CHST8: variants seen among roughly 807,000 people sequenced by gnomAD.
CHST8 encodes the protein GALNAC-4-ST1.
In CHST8, 10 loss-of-function variants were observed where a neutral mutation model predicts 15.0. The ratio of observed to expected loss-of-function variants is 0.67; its 90% CI spans 0.41 to 1.13. The LOEUF is 1.13. Ranked by LOEUF, CHST8 falls within the 50% of genes most tolerant of loss-of-function variation. The pLI is 0.00. For missense variants in CHST8, 634 were observed against 608.2 expected (o/e 1.04, Z -0.45); for synonymous variants, 259 against 256.6 (o/e 1.01, Z -0.09).
intron 1 of CHST8, among the ~76,000 whole-genome samples, chr19:33,633,774 CGTGTGTGTGTGTGTGTGT>C (rs55655047): frequency 1.6e-4 from 23 of 141,080 alleles, no homozygotes; most frequent in Non-Finnish European, 7.7e-5. Context: ...TTTTCTTTTT[CGTGTGTGTGTGTGTGTGT>C]GTGTGTGTGT....
intron 1 of CHST8, among the ~76,000 whole-genome samples, chr19:33,666,700 T>G (rs1031926102): frequency 6.6e-6 from 1 of 152,134 alleles, no homozygotes; most frequent in African/African-American, 2.4e-5. Context: ...ATTTTTCTTT[T>G]TCTTTCTTTC....
intron 3 of CHST8, among the ~76,000 whole-genome samples, chr19:33,756,946 G>A (rs763393914): frequency 1.3e-5 from 2 of 152,204 alleles, no homozygotes; most frequent in Non-Finnish European, 2.9e-5. Context: ...GTATGGGGGT[G>A]TGGAGGCAGC....
At chr19:33,638,535 G>T (rs950605691) in intron 1 of CHST8, among the ~76,000 whole-genome samples, 7 of 152,268 alleles carry the variant, frequency 4.6e-5, no homozygotes, top group Admixed American at 4.6e-4. Flanking sequence ...CGGCCACAGT[G>T]CACAACAGCC....
intron 3 of CHST8, among the ~76,000 whole-genome samples, chr19:33,734,844 T>G (rs116026192): frequency 6.1e-4 from 93 of 152,106 alleles, no homozygotes; most frequent in African/African-American, 2.1e-3. Flanking sequence ...CAGGGTGAGG[T>G]GGGGGTGAGG....
chr19:33,709,181 G>A (rs368657947), intron 3 of CHST8, among the ~76,000 whole-genome samples: 11 of 152,152 alleles, frequency 7.2e-5, no homozygotes, highest in African/African-American at 1.9e-4. Flanking sequence ...TGTTTACATC[G>A]TCATTTCCAG....
intron 3 of CHST8, among the ~76,000 whole-genome samples, chr19:33,748,653 T>A (rs1974357333): frequency 6.6e-6 from 1 of 152,200 alleles, no homozygotes; most frequent in Admixed American, 6.5e-5. Flanking sequence ...GCCCGGCTGC[T>A]CACCTTGTCC....
Position 33,772,448 on chromosome 19 carries a change from C to T in CHST8, c.660C>T (p.Ala220=), listed in dbSNP as rs201678581. ...MVLAGLASST[A]DIQHNTVHYG... is the part of the protein sequence containing the mutation. ...TGGCCGGCCTGGCCTCGTCCACTGCCGACATCCAGCACAACACCGTCCACT... is the reference window on the plus strand; with the variant it reads ...TGGCCGGCCTGGCCTCGTCCACTGCTGACATCCAGCACAACACCGTCCACT... The change falls in exon 5 of 5, where the codon GCC becomes GCT. Residue 220 remains alanine, a synonymous_variant. Coordinates refer to ENST00000650847, the MANE Select transcript of CHST8 (RefSeq NM_001127895.2). 2.5e-6 allele frequency: 4 copies of T among 1,612,350 alleles called. No individual in the cohort carries two copies. In the African/African-American group the frequency reaches 4.0e-5, roughly 16 times the overall value.
chr19:33,771,508 G>A (rs905172824), intron 4 of CHST8, 58 bp downstream of exon 4: 6 of 1,552,650 alleles, frequency 3.9e-6, no homozygotes, highest in Non-Finnish European at 5.3e-6. Context: ...AACTGGGGAG[G>A]GCTGGGAAGA....
chr19:33,692,527 G>A (rs1973116160), intron 3 of CHST8, among the ~76,000 whole-genome samples: 1 of 152,060 alleles, frequency 6.6e-6, no homozygotes, highest in Non-Finnish European at 1.5e-5. Flanking sequence ...GCAAGACCCT[G>A]TCTCTACAAA....
rs189732353 is a variant in CHST8 at position 33,649,575 on chromosome 19, T to C, written c.-163-18192T>C. 1.6e-3 allele frequency among the ~76,000 whole-genome samples: 241 copies of C among 152,140 alleles called. 1 individual carries two copies. The highest frequency in any genetic ancestry group is 5.3e-3 in the African/African-American group (218 of 41,518). ...GAACTATGAACATTCATGAGGGGGG[T>C]CTGGACGCATACATACTGAACAAAC... On this transcript the variant is annotated intron_variant, in intron 1 of 4. Transcript: ENST00000650847.
chr19:33,656,158 T>C (rs1448574811), intron 1 of CHST8, among the ~76,000 whole-genome samples: 1 of 152,176 alleles, frequency 6.6e-6, no homozygotes, highest in Non-Finnish European at 1.5e-5. Flanking sequence ...ACTTTAAAGC[T>C]TTTTATTTTT....
chr19:33,671,172 T>A (rs1254372935), intron 2 of CHST8, among the ~76,000 whole-genome samples: 2 of 152,186 alleles, frequency 1.3e-5, no homozygotes, highest in Non-Finnish European at 2.9e-5. Context: ...AGATCCAGAA[T>A]ATCCACATCA....
intron 1 of CHST8, among the ~76,000 whole-genome samples, chr19:33,634,677 C>CAA (rs3040761): frequency 7.4e-3 from 389 of 52,296 alleles, no homozygotes; most frequent in African/African-American, 0.016. Flanking sequence ...GTCACGAAAC[C>CAA]AAAAAAAAAA....
At chr19:33,735,004 G>A (rs1172303805) in intron 3 of CHST8, among the ~76,000 whole-genome samples, 1 of 149,920 alleles carries the variant, frequency 6.7e-6, no homozygotes, top group African/African-American at 2.4e-5. Flanking sequence ...TCAAATGTCA[G>A]ATAGGGAAGT....
At chr19:33,739,916 C>T (rs996550035) in intron 3 of CHST8, among the ~76,000 whole-genome samples, 19 of 152,138 alleles carry the variant, frequency 1.2e-4, no homozygotes, top group African/African-American at 4.6e-4. Context: ...GCGGTGCCTC[C>T]TCACACAAAA....
Position 33,772,842 on chromosome 19 carries a change from G to C in CHST8, c.1054G>C (p.Glu352Gln). 1 of 1,613,536 alleles carries C rather than the reference G, an allele frequency of 6.2e-7. No homozygotes were observed. The highest frequency in any genetic ancestry group is 2.2e-5 in the East Asian group (1 of 44,872). Residue 352 changes from glutamate to glutamine, a missense_variant, in exon 5 of 5, where the codon GAG becomes CAG. By Grantham distance (29) the Glu-to-Gln change is conservative. Coordinates refer to ENST00000650847, the MANE Select transcript of CHST8 (RefSeq NM_001127895.2). ...YDFVGKFESM[E>Q]DDANFFLSLI... ...TTTCGTAGGCAAGTTCGAGAGCATGGAGGACGATGCCAACTTCTTCCTGAG... is the reference window on the plus strand; with the variant it reads ...TTTCGTAGGCAAGTTCGAGAGCATGCAGGACGATGCCAACTTCTTCCTGAG...
At position 33,653,259 on chromosome 19, in the gene CHST8, G is replaced by A. The variant is rs528397536; in HGVS notation, c.-163-14508G>A. ...ATAGTTGAGCTGGGTGTAGAATTCT[G>A]GGATGATAGTTATTTTCCTTTAGCT... On this transcript the variant is annotated intron_variant, in intron 1 of 4. Transcript: ENST00000650847. 1.2e-3 allele frequency among the ~76,000 whole-genome samples: 187 copies of A among 152,236 alleles called. 1 individual carries two copies. The highest frequency in any genetic ancestry group is 4.4e-3 in the African/African-American group (181 of 41,536).
intron 3 of CHST8, among the ~76,000 whole-genome samples, chr19:33,757,470 G>C (rs1568358544): frequency 2.4e-5 from 1 of 41,748 alleles, no homozygotes; most frequent in Non-Finnish European, 4.9e-5. Context: ...AAGAAAGAAA[G>C]AAAGAAAGAA....
intron 2 of CHST8, among the ~76,000 whole-genome samples, chr19:33,669,751 G>C (rs1046289402): frequency 6.6e-6 from 1 of 152,164 alleles, no homozygotes; most frequent in Admixed American, 6.5e-5. Context: ...AGGGTGGCAG[G>C]CTTCAAGTTT....
Sources: allele counts gnomAD v4.1 joint callset (sites outside exome capture counted in the v4.1 genomes callset), GRCh38; gene constraint gnomAD v4.1.1; transcripts MANE v1.5; gene names NCBI Gene and HGNC (gene_info 2026-07-23, HGNC 2026-07-21).